Variants in FGF13 observed in about 807,000 individuals in gnomAD.
The protein encoded by FGF13 is fibroblast growth factor 13.
Under a neutral mutation model 19.5 loss-of-function variants are expected in FGF13, and 2 were observed. The ratio of observed to expected loss-of-function variants is 0.10; its 90% CI spans 0.04 to 0.32. The LOEUF (loss-of-function observed/expected upper bound fraction) is 0.32, where lower values mean the gene tolerates loss of function less well. Ranked by LOEUF, FGF13 falls within the 10% of genes least tolerant of loss-of-function variation. The pLI is 1.00. For synonymous variants in FGF13, 72 were observed against 76.9 expected, an observed-to-expected ratio of 0.94 and a Z score of 0.33; for missense variants, 113 against 192.7, an observed-to-expected ratio of 0.59 and a Z score of 2.45.
At chrX:138,971,979 C>G (rs909689443) in intron 1 of FGF13, among the ~76,000 whole-genome samples, 1 of 110,505 alleles carries the variant, frequency 9.0e-6, no homozygotes, top group Non-Finnish European at 1.9e-5. Flanking sequence ...GCTTATTTCA[C>G]TTAACATAAT....
At chrX:138,857,476 G>C (rs373222185), downstream of FGF13, 31 of 1,143,873 alleles carry the variant, frequency 2.7e-5, no homozygotes, top group Non-Finnish European at 3.3e-5. Flanking sequence ...AAGAATGAGA[G>C]AAAACAAGCA....
chrX:138,917,867 T>C (rs1321017447), intron 1 of FGF13, among the ~76,000 whole-genome samples: 2 of 111,838 alleles, frequency 1.8e-5, no homozygotes, highest in African/African-American at 6.5e-5. Flanking sequence ...TTTTGCTTCA[T>C]AATGGCAAAG....
At chrX:139,179,330 G>A (rs12392810) in intron 1 of FGF13, among the ~76,000 whole-genome samples, 20,461 of 110,124 alleles carry the variant, frequency 0.19, 1,493 homozygotes, top group African/African-American at 0.23. Context: ...TTTCCCATTC[G>A]AAGAATCATT....
At chrX:139,115,993 G>C (rs1436471342) in intron 1 of FGF13, among the ~76,000 whole-genome samples, 2 of 112,306 alleles carry the variant, frequency 1.8e-5, no homozygotes, top group Non-Finnish European at 3.8e-5. Context: ...GGGCTCTTTA[G>C]CTCAATGAGT....
chrX:138,875,935 G>C (rs1199821208), intron 1 of FGF13, among the ~76,000 whole-genome samples: 1 of 108,936 alleles, frequency 9.2e-6, no homozygotes, highest in Non-Finnish European at 1.9e-5. Context: ...GCAGATCTTG[G>C]GACTTGCATA....
At chrX:138,942,044 G>C (rs1356798685) in intron 1 of FGF13, among the ~76,000 whole-genome samples, 1 of 112,103 alleles carries the variant, frequency 8.9e-6, no homozygotes, top group Non-Finnish European at 1.9e-5. Flanking sequence ...GCCTTTCCTT[G>C]TCCTACAAAA....
chrX:138,744,983 C>A (rs1459458081), intron 3 of FGF13, among the ~76,000 whole-genome samples: 1 of 111,978 alleles, frequency 8.9e-6, no homozygotes, highest in Non-Finnish European at 1.9e-5. Context: ...CAAGTGTACA[C>A]AGCTGGTACT....
chrX:138,717,458 T>G (rs995217086), intron 1 of FGF13, among the ~76,000 whole-genome samples: 1 of 111,307 alleles, frequency 9.0e-6, no homozygotes, highest in Admixed American at 9.5e-5. Flanking sequence ...AAGACTATCA[T>G]TCTGTCATAA....
chrX:138,666,156 T>C (rs1178358948), intron 3 of FGF13, among the ~76,000 whole-genome samples: 2 of 111,266 alleles, frequency 1.8e-5, no homozygotes, highest in East Asian at 5.7e-4. Context: ...TAGTCTAGAC[T>C]CTCTAAACTG....
upstream of FGF13, chrX:138,714,812 A>G (rs746960311): frequency 8.9e-6 from 1 of 112,331 alleles, no homozygotes; most frequent in Non-Finnish European, 1.9e-5. Context: ...TTGAGAAGGT[A>G]TAATGAAAGA....
chrX:138,707,255 A>G (rs941219103), intron 2 of FGF13, among the ~76,000 whole-genome samples: 2 of 111,522 alleles, frequency 1.8e-5, no homozygotes, highest in African/African-American at 3.3e-5. Flanking sequence ...GACACAGCAC[A>G]TGAATTATCT....
At chrX:139,077,087 G>T (rs1262607467) in intron 1 of FGF13, among the ~76,000 whole-genome samples, 3 of 111,899 alleles carry the variant, frequency 2.7e-5, no homozygotes, top group Non-Finnish European at 3.8e-5. Flanking sequence ...TCAATTCAGT[G>T]TTCTGCAAAA....
rs780289426 is a variant in FGF13, at chrX:138,703,717, C to CT, written c.299-631dup. Among the ~76,000 whole-genome samples the CT allele has an allele frequency of 1.7e-3, 195 of 111,728 alleles. 1 individual carries two copies. Among genetic ancestry groups the CT allele is most frequent in the African/African-American group, 5.8e-3 (178 of 30,794 alleles). ...TCCTATGTTTCCAGAGTAGTATTTC[C>CT]TTTTTTCATTTTTTGAGACAGAGTT... On this transcript the variant is annotated intron_variant, in intron 2 of 4. Coordinates refer to ENST00000315930, the MANE Select transcript of FGF13 (RefSeq NM_004114.5).
At chrX:138,909,304 A>T (rs773021222) in intron 1 of FGF13, among the ~76,000 whole-genome samples, 1 of 111,717 alleles carries the variant, frequency 9.0e-6, no homozygotes, top group African/African-American at 3.3e-5. Context: ...AGAGTACCCA[A>T]ATGGAGCAGG....
intron 1 of FGF13, among the ~76,000 whole-genome samples, chrX:138,901,589 G>A (rs115542751): frequency 0.025 from 2,776 of 111,568 alleles, 86 homozygotes; most frequent in African/African-American, 0.086. Context: ...GATATAAAGT[G>A]TTTCCTTTCT....
At chrX:139,062,723 A>G (rs975610009) in intron 1 of FGF13, among the ~76,000 whole-genome samples, 6 of 111,484 alleles carry the variant, frequency 5.4e-5, no homozygotes, top group East Asian at 2.8e-4. Context: ...AATTTCCTCA[A>G]TGGGACTGGT....
intron 3 of FGF13, among the ~76,000 whole-genome samples, chrX:138,764,469 T>G (rs932212281): frequency 2.7e-5 from 3 of 112,836 alleles, no homozygotes; most frequent in Non-Finnish European, 3.7e-5. Context: ...TCTGGCCCAA[T>G]GCCATCTATG....
intron 1 of FGF13, among the ~76,000 whole-genome samples, chrX:138,891,857 A>C (rs1431743844): frequency 9.0e-6 from 1 of 110,666 alleles, no homozygotes; most frequent in Non-Finnish European, 1.9e-5. Flanking sequence ...TCCTGCCCCC[A>C]AACATCTAAC....
chrX:139,189,915 T>C (rs1298137364), intron 1 of FGF13, among the ~76,000 whole-genome samples: 1 of 112,256 alleles, frequency 8.9e-6, no homozygotes, highest in Non-Finnish European at 1.9e-5. Context: ...TTACATGGTG[T>C]ATTGTCCTGA....
Sources: allele counts gnomAD v4.1 joint callset (sites outside exome capture counted in the v4.1 genomes callset), GRCh38; gene constraint gnomAD v4.1.1; transcripts MANE v1.5; gene names NCBI Gene and HGNC (gene_info 2026-07-23, HGNC 2026-07-21).